Variants in EFCAB6 observed in about 807,000 individuals in gnomAD.
EFCAB6 encodes EF-hand calcium-binding domain-containing protein 6.
In EFCAB6, 156 loss-of-function variants were observed where a neutral mutation model predicts 169.8. The observed-to-expected ratio is 0.92, with a 90% confidence interval of 0.81 to 1.05. The LOEUF (loss-of-function observed/expected upper bound fraction) is 1.05. EFCAB6 is among the 50% of genes least tolerant of loss of function. The probability of loss-of-function intolerance (pLI) is 0.00; values close to 1 mark genes in which losing one functional copy is unlikely to be tolerated. For synonymous variants in EFCAB6, 698 were observed against 676.4 expected (o/e 1.03, Z -0.50); for missense variants, 1,800 against 1,829.1 (o/e 0.98, Z 0.29).
intron 15 of EFCAB6, 142 bp downstream of exon 15, chr22:43,671,831 G>C: frequency 2.1e-6 from 2 of 973,204 alleles, no homozygotes; most frequent in Non-Finnish European, 3.0e-6. Context: ...GCAATGTCCA[G>C]TGCTAAGCAA....
intron 20 of EFCAB6, among the ~76,000 whole-genome samples, chr22:43,617,733 C>T (rs879834800): frequency 3.9e-5 from 6 of 152,150 alleles, no homozygotes; most frequent in Non-Finnish European, 7.3e-5. Flanking sequence ...GACACAATGA[C>T]TAGCAATGTG....
At chr22:43,716,215 G>A (rs572723721) in intron 9 of EFCAB6, among the ~76,000 whole-genome samples, 11 of 152,132 alleles carry the variant, frequency 7.2e-5, no homozygotes, top group South Asian at 2.1e-4. Context: ...TATAATCTTC[G>A]TTCCCCAAAA....
In EFCAB6 at chr22:43,683,837, T is replaced by C; in HGVS notation, c.1161A>G (p.Glu387=). The part of the protein sequence containing the change: ...TKRNSINSRN[E]SHKENIITKL... ...TTGTGATGATGTTTTCCTTGTGAGA[T>C]TCATTTCTAGAGTTGATGCTACAAG... is the stretch of plus-strand genomic sequence containing the variant. Residue 387 remains glutamate, a synonymous_variant, in exon 12 of 32, where the codon GAA becomes GAG. Coordinates refer to ENST00000262726, the MANE Select transcript of EFCAB6 (RefSeq NM_022785.4). 1 of 1,611,980 alleles carries C rather than the reference T, an allele frequency of 6.2e-7. No homozygotes were observed. Among genetic ancestry groups the C allele is most frequent in the Non-Finnish European group, 8.5e-7 (1 of 1,178,088 alleles).
At chr22:43,593,134 C>A (rs921255079) in intron 23 of EFCAB6, among the ~76,000 whole-genome samples, 6 of 151,660 alleles carry the variant, frequency 4.0e-5, no homozygotes, top group African/African-American at 1.5e-4. Context: ...AATTTAAAAA[C>A]AGGCCATCCT....
chr22:43,713,707 G>C (rs986010111), intron 9 of EFCAB6, among the ~76,000 whole-genome samples: 2 of 152,124 alleles, frequency 1.3e-5, no homozygotes, highest in Admixed American at 6.5e-5. Context: ...TGTTTGGGTT[G>C]GCATAAAACA....
chr22:43,622,548 A>C (rs945258570), intron 20 of EFCAB6, among the ~76,000 whole-genome samples: 4 of 152,238 alleles, frequency 2.6e-5, no homozygotes, highest in African/African-American at 9.6e-5. Context: ...CCCGGGTGAC[A>C]AGAGCGAAAC....
Position 43,591,457 on chromosome 22 carries a change from A to T in EFCAB6, c.2877-1228T>A, listed in dbSNP as rs188152322. 3.7e-3 allele frequency among the ~76,000 whole-genome samples: 512 copies of T among 137,936 alleles called. 4 individuals carry two copies. Among genetic ancestry groups the T allele is most frequent in the Non-Finnish European group, 4.1e-3 (267 of 64,484 alleles). 90.5% of individuals were successfully genotyped at this position (137,936 alleles called of 152,430 possible). The stretch of plus-strand genomic sequence containing the variant: ...GAGCAACAGAGCAAGACTCTGTCTT[A>T]TAAAAAAAAAAAAAAAAAGAAAAGA... On this transcript the variant is annotated intron_variant, in intron 23 of 31. Coordinates refer to ENST00000262726, the MANE Select transcript of EFCAB6 (RefSeq NM_022785.4).
Position 43,626,440 on chromosome 22 carries a change from T to C in EFCAB6, c.2465+7A>G. Reference sequence around the variant, plus strand: ...ATTAAAGACACAGACCCGTGCTGCCTTCTTACCTAATGAGTCTTTGAGGCG... The same window carrying C: ...ATTAAAGACACAGACCCGTGCTGCCCTCTTACCTAATGAGTCTTTGAGGCG... On this transcript the variant is annotated splice_region_variant and intron_variant, in intron 20 of 31. Transcript: ENST00000262726. 2 of 1,613,758 alleles carry C rather than the reference T, an allele frequency of 1.2e-6. No homozygotes were observed. The highest frequency in any genetic ancestry group is 1.7e-6 in the Non-Finnish European group (2 of 1,179,798).
intron 8 of EFCAB6, among the ~76,000 whole-genome samples, chr22:43,721,610 C>A (rs2059529222): frequency 6.6e-6 from 1 of 152,132 alleles, no homozygotes; most frequent in South Asian, 2.1e-4. Context: ...AACATCCGAT[C>A]TTTGACAAGG....
At chr22:43,686,633 C>T (rs367833102) in intron 11 of EFCAB6, among the ~76,000 whole-genome samples, 11 of 152,200 alleles carry the variant, frequency 7.2e-5, no homozygotes, top group Admixed American at 6.5e-5. Flanking sequence ...AGAGAGGGAG[C>T]GCTCTGATTA....
intron 10 of EFCAB6, among the ~76,000 whole-genome samples, chr22:43,706,393 T>C (rs1249450300): frequency 6.6e-6 from 1 of 152,224 alleles, no homozygotes; most frequent in East Asian, 1.9e-4. Context: ...TGCTGATTCT[T>C]TCCAGAGCAC....
Position 43,748,244 on chromosome 22 carries a change from T to A in EFCAB6, c.507+7522A>T, listed in dbSNP as rs530812746. Among the ~76,000 whole-genome samples, 4 of 152,334 alleles carry A rather than the reference T, an allele frequency of 2.6e-5. No homozygotes were observed. In the East Asian group the frequency reaches 7.7e-4, roughly 29 times the overall value. ...TAACCCCCTTATCAGAAACCTTCAG[T>A]CATCCTCCTCCTGACCCATGCCGAA... is the stretch of plus-strand genomic sequence containing the variant. On this transcript the variant is annotated intron_variant, in intron 6 of 31. Coordinates refer to ENST00000262726, the MANE Select transcript of EFCAB6 (RefSeq NM_022785.4).
intron 29 of EFCAB6, chr22:43,536,200 A>G (rs993075453): frequency 6.6e-6 from 1 of 152,220 alleles, no homozygotes; most frequent in Non-Finnish European, 1.5e-5. Context: ...ACTAAAAAAA[A>G]AAGGGAACGC....
At chr22:43,746,322 A>G (rs1284721784) in intron 6 of EFCAB6, among the ~76,000 whole-genome samples, 1 of 152,176 alleles carries the variant, frequency 6.6e-6, no homozygotes, top group Non-Finnish European at 1.5e-5. Flanking sequence ...GATCCACAAA[A>G]ATGGAGAAAA....
chr22:43,598,314 A>ACAAAAC (rs59051299), intron 23 of EFCAB6, among the ~76,000 whole-genome samples: 8 of 136,846 alleles, frequency 5.8e-5, no homozygotes, highest in African/African-American at 1.6e-4. Flanking sequence ...TCTCCGGGAA[A>ACAAAAC]AAAAAAAAAA....
At chr22:43,564,933 C>T (rs915468996) in intron 26 of EFCAB6, among the ~76,000 whole-genome samples, 2 of 152,180 alleles carry the variant, frequency 1.3e-5, no homozygotes, top group Non-Finnish European at 2.9e-5. Flanking sequence ...CAGCAGTGCA[C>T]GTGCGTTTGC....
At position 43,530,929 on chromosome 22, in the gene EFCAB6, A is replaced by G. The variant is rs1277072351; in HGVS notation, c.4269T>C (p.Ser1423=). ...EAGAETPSFY[S]ALLRIQPKIV... is the part of the protein sequence containing the mutation. ...TTTTGGGCTGAATACGCAGCAGAGC[A>G]GAGTAAAAAGATGGCGTCTCCGCGC... Residue 1423 remains serine, a synonymous_variant, in exon 31 of 32, where the codon TCT becomes TCC. Transcript: ENST00000262726. 1 of 1,613,652 alleles carries G rather than the reference A, an allele frequency of 6.2e-7. No homozygotes were observed. The highest frequency in any genetic ancestry group is 8.5e-7 in the Non-Finnish European group (1 of 1,180,044).
intron 23 of EFCAB6, among the ~76,000 whole-genome samples, chr22:43,593,956 T>A (rs1032364735): frequency 1.4e-4 from 22 of 152,098 alleles, no homozygotes; most frequent in Admixed American, 6.6e-5. Context: ...CAGCCCAATT[T>A]TTTTCTCTGT....
intron 20 of EFCAB6, among the ~76,000 whole-genome samples, chr22:43,618,831 T>G (rs1000661798): frequency 1.3e-5 from 2 of 152,158 alleles, no homozygotes. Context: ...CGTTAAAATT[T>G]TCTCTAACCA....
Sources: allele counts gnomAD v4.1 joint callset (sites outside exome capture counted in the v4.1 genomes callset), GRCh38; gene constraint gnomAD v4.1.1; transcripts MANE v1.5; gene names NCBI Gene and HGNC (gene_info 2026-07-23, HGNC 2026-07-21).